The following CTNNA3 variants were observed in gnomAD, a reference collection of about 807,000 sequenced individuals.
The protein encoded by CTNNA3 is catenin alpha 3.
CTNNA3 carries 76 observed loss-of-function variants against 95.7 expected under a neutral mutation model. That is an observed-to-expected ratio of 0.79 (90% confidence interval 0.66 to 0.96). The LOEUF (loss-of-function observed/expected upper bound fraction) is 0.96. Among genes scored for constraint, CTNNA3 ranks in the 40% least tolerant of loss-of-function variants. CTNNA3 has a pLI of 0.00. For missense variants in CTNNA3, 1,191 were observed against 1,089.8 expected (o/e 1.09, Z -1.31); for synonymous variants, 431 against 374.4 (o/e 1.15, Z -1.74).
At chr10:67,028,989 G>T (rs754157411) in intron 7 of CTNNA3, among the ~76,000 whole-genome samples, 1 of 152,022 alleles carries the variant, frequency 6.6e-6, no homozygotes, top group African/African-American at 2.4e-5. Flanking sequence ...CAATCATATC[G>T]CAACTCCCCA....
At chr10:66,251,587 C>T (rs1012475561) in intron 13 of CTNNA3, among the ~76,000 whole-genome samples, 1 of 151,992 alleles carries the variant, frequency 6.6e-6, no homozygotes, top group African/African-American at 2.4e-5. Flanking sequence ...AATATTTCCA[C>T]AAGACCAAAT....
intron 13 of CTNNA3, among the ~76,000 whole-genome samples, chr10:66,237,731 T>C (rs1564798315): frequency 6.6e-6 from 1 of 152,134 alleles, no homozygotes; most frequent in Non-Finnish European, 1.5e-5. Flanking sequence ...ACCATTTTTT[T>C]CAAAGTATCA....
At chr10:66,673,300 C>T (rs1011838302) in intron 9 of CTNNA3, among the ~76,000 whole-genome samples, 3 of 152,016 alleles carry the variant, frequency 2.0e-5, no homozygotes, top group African/African-American at 7.2e-5. Context: ...CGTTAAATCA[C>T]CATATAGACA....
At chr10:66,022,517 A>C (rs904233062) in intron 15 of CTNNA3, among the ~76,000 whole-genome samples, 2 of 152,078 alleles carry the variant, frequency 1.3e-5, no homozygotes, top group Non-Finnish European at 2.9e-5. Flanking sequence ...AATCTACTTT[A>C]CAGGCAAAGG....
chr10:66,259,265 G>A (rs964138934), intron 13 of CTNNA3, among the ~76,000 whole-genome samples: 1 of 152,066 alleles, frequency 6.6e-6, no homozygotes. Context: ...TGACAACAGA[G>A]AGAAAAGGAA....
intron 5 of CTNNA3, among the ~76,000 whole-genome samples, chr10:67,406,157 T>C (rs115756331): frequency 0.013 from 1,905 of 152,310 alleles, 41 homozygotes; most frequent in African/African-American, 0.042. Context: ...TTGCTTCCCC[T>C]TCTGCCATGA....
At chr10:66,169,289 A>G (rs2085297554) in intron 13 of CTNNA3, among the ~76,000 whole-genome samples, 1 of 152,064 alleles carries the variant, frequency 6.6e-6, no homozygotes, top group African/African-American at 2.4e-5. Context: ...TTGCTTTTCC[A>G]TTCCTGAATT....
At chr10:67,740,441 T>C (rs1043923655) in intron 1 of CTNNA3, among the ~76,000 whole-genome samples, 2 of 151,022 alleles carry the variant, frequency 1.3e-5, no homozygotes, top group African/African-American at 4.9e-5. Context: ...GAACCTACAA[T>C]GAACTCGAAC....
chr10:66,634,192 C>A lies in CTNNA3; in HGVS notation c.1282-12408G>T, dbSNP rs558923553. On this transcript the variant is annotated intron_variant, in intron 9 of 17. Coordinates refer to ENST00000433211, the MANE Select transcript of CTNNA3 (RefSeq NM_013266.4). ...TTGAAGAGAATAAAACCTATCTATACCTGTATGTGAATTTTTAATACCAAT... is the reference window on the plus strand; with the variant it reads ...TTGAAGAGAATAAAACCTATCTATAACTGTATGTGAATTTTTAATACCAAT... Among the ~76,000 whole-genome samples, 19 of 152,098 alleles carry A rather than the reference C, an allele frequency of 1.2e-4. No individual in the cohort carries two copies. The South Asian group carries it at 3.7e-3, about 30-fold the overall frequency.
At chr10:67,676,426 A>T (rs1000279030) in intron 1 of CTNNA3, among the ~76,000 whole-genome samples, 1 of 152,168 alleles carries the variant, frequency 6.6e-6, no homozygotes, top group African/African-American at 2.4e-5. Flanking sequence ...TGGTAATAGC[A>T]GGGTCCACTT....
Position 66,734,117 on chromosome 10 carries a change from TG to T in CTNNA3, c.1281+32146del, listed in dbSNP as rs1849052715. Among the ~76,000 whole-genome samples the T allele has an allele frequency of 2.0e-5, 3 of 151,646 alleles. No individual in the cohort carries two copies. The East Asian group carries it at 5.8e-4, about 29-fold the overall frequency. On this transcript the variant is annotated intron_variant, in intron 9 of 17. Coordinates refer to ENST00000433211, the MANE Select transcript of CTNNA3 (RefSeq NM_013266.4). ...ACTTCTGATAAATTTCCATGGTATT[TG>T]TCTCAAAGCTCCACATAATTCTCAT...
intron 10 of CTNNA3, among the ~76,000 whole-genome samples, chr10:66,544,114 A>G (rs1403414224): frequency 6.6e-6 from 1 of 151,876 alleles, no homozygotes; most frequent in Non-Finnish European, 1.5e-5. Flanking sequence ...TCACACAGTA[A>G]TGTGACTCAA....
chr10:67,666,764 G>A (rs550808179), intron 1 of CTNNA3, among the ~76,000 whole-genome samples: 83 of 152,038 alleles, frequency 5.5e-4, no homozygotes, highest in African/African-American at 1.9e-3. Flanking sequence ...ATTTTATTTT[G>A]CCCATATAAA....
At chr10:66,784,061 T>G (rs2132854931) in intron 7 of CTNNA3, among the ~76,000 whole-genome samples, 1 of 152,314 alleles carries the variant, frequency 6.6e-6, no homozygotes, top group Non-Finnish European at 1.5e-5. Flanking sequence ...GTTATTGTTT[T>G]CACTTTCACA....
intron 12 of CTNNA3, among the ~76,000 whole-genome samples, chr10:66,298,469 C>CAT (rs2091814420): frequency 6.6e-6 from 1 of 152,072 alleles, no homozygotes. Context: ...TACACACATA[C>CAT]ATATATATAC....
rs1323671893 is a variant in CTNNA3, at chr10:66,823,255, G to A, written c.1048-47731C>T. On this transcript the variant is annotated intron_variant, in intron 7 of 17. Coordinates refer to ENST00000433211, the MANE Select transcript of CTNNA3 (RefSeq NM_013266.4). ...ACATTAACTCAAGCTGGTTTCTTTAGAAAGTAAAACAAAACCTGAAATTCT... is the reference window on the plus strand; with the variant it reads ...ACATTAACTCAAGCTGGTTTCTTTAAAAAGTAAAACAAAACCTGAAATTCT... 3.3e-5 allele frequency among the ~76,000 whole-genome samples: 5 copies of A among 152,144 alleles called. No individual in the cohort carries two copies. The East Asian group carries it at 9.6e-4, about 29-fold the overall frequency.
intron 5 of CTNNA3, among the ~76,000 whole-genome samples, chr10:67,382,578 T>C (rs1422051821): frequency 6.6e-6 from 1 of 152,210 alleles, no homozygotes; most frequent in African/African-American, 2.4e-5. Context: ...CATCATCTGC[T>C]ATAAGTGGAC....
At chr10:67,012,761 G>T (rs1021112330) in intron 7 of CTNNA3, among the ~76,000 whole-genome samples, 1 of 152,070 alleles carries the variant, frequency 6.6e-6, no homozygotes, top group East Asian at 1.9e-4. Flanking sequence ...TCTGTAAAAT[G>T]ATCAAGATTT....
intron 3 of CTNNA3, among the ~76,000 whole-genome samples, chr10:67,581,858 T>C (rs1353754849): frequency 6.6e-6 from 1 of 152,216 alleles, no homozygotes; most frequent in Non-Finnish European, 1.5e-5. Flanking sequence ...GAAGTGTTTA[T>C]AGTATTCTCT....
Sources: gnomAD v4.1 joint callset for allele counts (sites outside exome capture counted in the v4.1 genomes callset) on GRCh38, gnomAD v4.1.1 for gene constraint, MANE v1.5 for transcripts, NCBI Gene and HGNC (gene_info 2026-07-23, HGNC 2026-07-21) for gene names.